MAP2K4: variants seen among roughly 807,000 people sequenced by gnomAD.
MAP2K4 encodes mitogen-activated protein kinase kinase 4.
A neutral mutation model predicts 48.5 loss-of-function variants in MAP2K4; 4 were observed. That is an observed-to-expected ratio of 0.08 (90% CI 0.04 to 0.19). MAP2K4 has a LOEUF of 0.19. Among genes scored for constraint, MAP2K4 ranks in the 10% least tolerant of loss-of-function variants. The probability of loss-of-function intolerance (pLI) is 1.00; values close to 1 mark genes in which losing one functional copy is unlikely to be tolerated. For missense variants in MAP2K4, 258 were observed against 493.3 expected (o/e 0.52, Z 4.52); for synonymous variants, 166 against 173.1 (o/e 0.96, Z 0.32).
chr17:12,116,338 G>A (rs1972491931), intron 7 of MAP2K4, among the ~76,000 whole-genome samples: 2 of 152,164 alleles, frequency 1.3e-5, no homozygotes, highest in South Asian at 4.1e-4. Flanking sequence ...GAGTCAGTGA[G>A]TGAGTGGTAA....
At chr17:12,023,423 A>G (rs1196999819) in intron 1 of MAP2K4, among the ~76,000 whole-genome samples, 1 of 152,178 alleles carries the variant, frequency 6.6e-6, no homozygotes, top group African/African-American at 2.4e-5. Context: ...CTTTTGCTTT[A>G]GATCAGACTT....
At chr17:12,050,266 C>G (rs1597413092) in intron 1 of MAP2K4, among the ~76,000 whole-genome samples, 1 of 152,258 alleles carries the variant, frequency 6.6e-6, no homozygotes, top group East Asian at 1.9e-4. Context: ...ACTAATAATT[C>G]TAATTTAATA....
At chr17:12,071,310 T>G (rs1970800468) in intron 2 of MAP2K4, among the ~76,000 whole-genome samples, 1 of 152,182 alleles carries the variant, frequency 6.6e-6, no homozygotes, top group South Asian at 2.1e-4. Context: ...GCTTCTTAAA[T>G]CACATTGTAT....
chr17:12,040,987 C>T (rs1969760262), intron 1 of MAP2K4, among the ~76,000 whole-genome samples: 2 of 152,104 alleles, frequency 1.3e-5, no homozygotes, highest in African/African-American at 4.8e-5. Flanking sequence ...CTTTTTGGGT[C>T]TTTGTAAGTA....
At chr17:12,115,567 G>A (rs985103703) in intron 7 of MAP2K4, 19 of 694,300 alleles carry the variant, frequency 2.7e-5, no homozygotes, top group African/African-American at 2.1e-4. Context: ...ACCAGGCTGC[G>A]GAGGAGACTG....
At chr17:12,139,142 A>G (rs1000218204) in intron 9 of MAP2K4, among the ~76,000 whole-genome samples, 1 of 152,202 alleles carries the variant, frequency 6.6e-6, no homozygotes, top group African/African-American at 2.4e-5. Flanking sequence ...ATAGTAAAAT[A>G]TTAATTGAGG....
chr17:12,117,101 A>T (rs1046146311), intron 7 of MAP2K4, among the ~76,000 whole-genome samples: 24 of 152,150 alleles, frequency 1.6e-4, no homozygotes, highest in African/African-American at 5.6e-4. Flanking sequence ...GTGGGTATGG[A>T]TGTGCCAAAC....
intron 1 of MAP2K4, among the ~76,000 whole-genome samples, chr17:12,027,838 A>C (rs1308092314): frequency 6.6e-6 from 1 of 151,886 alleles, no homozygotes; most frequent in South Asian, 2.1e-4. Flanking sequence ...CTTCCCTTTT[A>C]ATTCTCTCAA....
chr17:12,028,261 A>T (rs192214081), intron 1 of MAP2K4, among the ~76,000 whole-genome samples: 2 of 152,330 alleles, frequency 1.3e-5, no homozygotes, highest in East Asian at 3.9e-4. Flanking sequence ...AAGAGCTGGC[A>T]TTATGAGGAC....
intron 7 of MAP2K4, among the ~76,000 whole-genome samples, chr17:12,123,280 A>C (rs1181828949): frequency 6.6e-6 from 1 of 152,220 alleles, no homozygotes; most frequent in African/African-American, 2.4e-5. Context: ...ACATTCATTA[A>C]GTAACATAGT....
chr17:12,113,631 C>G (rs944306289), intron 7 of MAP2K4, among the ~76,000 whole-genome samples: 2 of 152,212 alleles, frequency 1.3e-5, no homozygotes, highest in African/African-American at 4.8e-5. Flanking sequence ...ATATTGAACT[C>G]AACTCATTAA....
At chr17:12,133,459 GT>G (rs1250826725) in intron 9 of MAP2K4, among the ~76,000 whole-genome samples, 2 of 152,190 alleles carry the variant, frequency 1.3e-5, no homozygotes, top group African/African-American at 4.8e-5. Context: ...TCATCGGGTG[GT>G]TTTTGCTCCT....
intron 7 of MAP2K4, chr17:12,124,900 C>T: frequency 5.5e-6 from 1 of 180,548 alleles, no homozygotes; most frequent in South Asian, 1.2e-4. Flanking sequence ...TGGTCTCGAT[C>T]TGCTGACCTC....
chr17:12,021,280 C>T (rs1434740991), intron 1 of MAP2K4: 3 of 228,854 alleles, frequency 1.3e-5, no homozygotes, highest in Non-Finnish European at 2.5e-5. Context: ...CCACCTGGTC[C>T]GGGACCGCCC....
intron 8 of MAP2K4, among the ~76,000 whole-genome samples, chr17:12,126,009 G>C (rs924030191): frequency 6.6e-6 from 1 of 152,152 alleles, no homozygotes; most frequent in Admixed American, 6.5e-5. Context: ...AGAGAGTGAA[G>C]GGGAAGGTGC....
rs117651273 is a variant in MAP2K4, at chr17:12,031,728, G to A, written c.115+10727G>A. On this transcript the variant is annotated intron_variant, in intron 1 of 10. Coordinates refer to ENST00000353533, the MANE Select transcript of MAP2K4 (RefSeq NM_003010.4). ...ATCTTATTTTTTCAGGCCTATTTTA[G>A]AAGAATTTCAGCCCCTCTTCAGCAG... Among the ~76,000 whole-genome samples, 251 of 152,228 alleles carry A rather than the reference G, an allele frequency of 1.6e-3. 2 individuals carry two copies. Among genetic ancestry groups the A allele is most frequent in the Non-Finnish European group, 3.1e-3 (213 of 67,994 alleles).
chr17:12,042,785 C>T (rs934512008), intron 1 of MAP2K4, among the ~76,000 whole-genome samples: 1 of 152,190 alleles, frequency 6.6e-6, no homozygotes, highest in Admixed American at 6.5e-5. Flanking sequence ...CAGTGGCTCA[C>T]GCCTGTAATC....
At chr17:12,031,703 A>G (rs1021622833) in intron 1 of MAP2K4, among the ~76,000 whole-genome samples, 4 of 152,158 alleles carry the variant, frequency 2.6e-5, no homozygotes, top group African/African-American at 7.2e-5. Flanking sequence ...TAGGGACACT[A>G]TCTTATTTTT....
At chr17:12,086,678 T>C (rs1205116492) in intron 3 of MAP2K4, among the ~76,000 whole-genome samples, 3 of 152,188 alleles carry the variant, frequency 2.0e-5, no homozygotes, top group Non-Finnish European at 2.9e-5. Flanking sequence ...AAATGGTTGC[T>C]CTAGGTGAAT....
Sources: gnomAD v4.1 joint callset for allele counts (sites outside exome capture counted in the v4.1 genomes callset) on GRCh38, gnomAD v4.1.1 for gene constraint, MANE v1.5 for transcripts, NCBI Gene and HGNC (gene_info 2026-07-23, HGNC 2026-07-21) for gene names.